The following TUSC3 variants were observed in gnomAD, a reference collection of about 807,000 sequenced individuals.
The protein encoded by TUSC3 is dolichyl-diphosphooligosaccharide--protein glycosyltransferase subunit TUSC3.
Under a neutral mutation model 44.8 loss-of-function variants are expected in TUSC3, and 45 were observed. The ratio of observed to expected loss-of-function variants is 1.00; its 90% CI spans 0.79 to 1.29. The LOEUF is 1.29. Ranked by LOEUF, TUSC3 falls within the 50% of genes most tolerant of loss-of-function variation. The pLI is 0.00. For synonymous variants in TUSC3, 212 were observed against 152.9 expected (o/e 1.39, Z -2.85); for missense variants, 519 against 437.9 (o/e 1.19, Z -1.65).
Position 15,764,434 on chromosome 8 carries a change from G to GTTATATTCA in TUSC3, c.*279_*287dup. Reference sequence around the variant, plus strand: ...AAATATCAAAGTGTTTTTCAAGCCTGTTATATTCAGTGTGTGCCACAGGAT... The same window carrying GTTATATTCA: ...AAATATCAAAGTGTTTTTCAAGCCTGTTATATTCATTATATTCAGTGTGTGCCACAGGAT... On this transcript the variant is annotated 3_prime_UTR_variant, in exon 11 of 11. Transcript: ENST00000503731. The GTTATATTCA allele has an allele frequency of 2.0e-6, 1 of 498,276 alleles. No individual in the cohort carries two copies. The highest frequency in any genetic ancestry group is 2.3e-5 in the South Asian group (1 of 44,282). The allele number at this position is 498,276 out of a possible 1,614,324, so 30.9% of individuals were successfully genotyped here. A position where few individuals can be genotyped will look rare whatever the true frequency, so the allele number is the denominator to read the frequency against.
intron 1 of TUSC3, among the ~76,000 whole-genome samples, chr8:15,429,087 G>T (rs1053784545): frequency 1.3e-5 from 2 of 152,096 alleles, no homozygotes; most frequent in Admixed American, 6.6e-5. Context: ...TTCTTCTAGG[G>T]TTTTTATGGC....
At chr8:15,540,908 G>C (rs771236462) in intron 1 of TUSC3, among the ~76,000 whole-genome samples, 3 of 152,200 alleles carry the variant, frequency 2.0e-5, no homozygotes, top group Non-Finnish European at 4.4e-5. Flanking sequence ...CCCTTTGGAA[G>C]TATTTATAAG....
At chr8:15,536,149 A>G (rs917896172), upstream of TUSC3, among the ~76,000 whole-genome samples, 11 of 152,218 alleles carry the variant, frequency 7.2e-5, no homozygotes, top group Admixed American at 7.2e-4. Context: ...GAACAGCAGT[A>G]CAAAGTGTAG....
chr8:15,819,573 T>C, the TUSC3 span, among the ~76,000 whole-genome samples: 1 of 152,202 alleles, frequency 6.6e-6, no homozygotes, highest in Non-Finnish European at 1.5e-5. Flanking sequence ...CATCAACTCC[T>C]TTGTTTTCAT....
At chr8:15,639,782 G>GTT (rs34230510) in intron 2 of TUSC3, among the ~76,000 whole-genome samples, 5,471 of 140,370 alleles carry the variant, frequency 0.039, 221 homozygotes, top group African/African-American at 0.093. Context: ...CATAAGAGTC[G>GTT]TTTTTTTTTT....
chr8:15,679,162 GT>G (rs980029719), intron 6 of TUSC3, among the ~76,000 whole-genome samples: 4 of 152,050 alleles, frequency 2.6e-5, no homozygotes, highest in African/African-American at 7.2e-5. Context: ...TCTAATTTTA[GT>G]TCCTTGAAAA....
intron 6 of TUSC3, among the ~76,000 whole-genome samples, chr8:15,721,435 T>C (rs1018029834): frequency 5.3e-5 from 8 of 152,054 alleles, no homozygotes; most frequent in Non-Finnish European, 1.2e-4. Context: ...TTGATCAAGT[T>C]GCTTTTTTTC....
At chr8:15,675,728 T>C (rs1463032239) in intron 6 of TUSC3, among the ~76,000 whole-genome samples, 1 of 152,160 alleles carries the variant, frequency 6.6e-6, no homozygotes, top group Admixed American at 6.6e-5. Flanking sequence ...CTTAGGATAA[T>C]GGCCTCCAGC....
the TUSC3 span, among the ~76,000 whole-genome samples, chr8:15,782,930 TTG>T: frequency 1.3e-5 from 2 of 152,072 alleles, no homozygotes; most frequent in African/African-American, 4.8e-5. Context: ...GAAGAGCGAA[TTG>T]TGTCTCTGGT....
rs547023756 is a variant in TUSC3, at chr8:15,501,225, T to G, written n.189+17742T>G. On this transcript the variant is annotated intron_variant and non_coding_transcript_variant, in intron 2 of 5. Transcript: ENST00000503191. ...CCTTTTGAGGATTTGCTAACCAATT[T>G]TCTCTCTCTGGACTTTCCTTCTCTT... is the stretch of plus-strand genomic sequence containing the variant. Among the ~76,000 whole-genome samples the G allele has an allele frequency of 6.0e-4, 92 of 152,292 alleles. 1 individual carries two copies. The highest frequency in any genetic ancestry group is 2.0e-3 in the African/African-American group (85 of 41,580).
chr8:15,451,204 TATA>T (rs774683095), intron 1 of TUSC3, among the ~76,000 whole-genome samples: 5 of 152,182 alleles, frequency 3.3e-5, no homozygotes, highest in Non-Finnish European at 7.4e-5. Flanking sequence ...TGTATCACAG[TATA>T]ATGTTACTTA....
At chr8:15,791,059 A>C in the TUSC3 span, among the ~76,000 whole-genome samples, 1 of 152,174 alleles carries the variant, frequency 6.6e-6, no homozygotes, top group Non-Finnish European at 1.5e-5. Context: ...AACTAAACCC[A>C]GGGTAATGGA....
chr8:15,799,408 G>A, the TUSC3 span, among the ~76,000 whole-genome samples: 1 of 152,154 alleles, frequency 6.6e-6, no homozygotes, highest in Non-Finnish European at 1.5e-5. Context: ...ATGAATCTTA[G>A]TACAAGTTGC....
intron 1 of TUSC3, 37 bp downstream of exon 1, chr8:15,540,605 G>C (rs759942604): frequency 4.0e-6 from 6 of 1,515,132 alleles, no homozygotes; most frequent in East Asian, 2.6e-5. Flanking sequence ...CTGTGGGCGG[G>C]GGCGGGCCAG....
At chr8:15,589,177 C>G (rs1803720192) in intron 1 of TUSC3, among the ~76,000 whole-genome samples, 1 of 152,122 alleles carries the variant, frequency 6.6e-6, no homozygotes, top group Non-Finnish European at 1.5e-5. Flanking sequence ...TTTTTGCATA[C>G]CTTTACTTTG....
chr8:15,703,993 TAACCTCA>T (rs1436084438), intron 6 of TUSC3, among the ~76,000 whole-genome samples: 2 of 152,284 alleles, frequency 1.3e-5, no homozygotes, highest in African/African-American at 4.8e-5. Context: ...ATAAAGCTTA[TAACCTCA>T]AAAAGCTTTT....
At chr8:15,826,479 C>A in the TUSC3 span, among the ~76,000 whole-genome samples, 1 of 152,104 alleles carries the variant, frequency 6.6e-6, no homozygotes, top group Non-Finnish European at 1.5e-5. Context: ...TAATATATTG[C>A]AACTATTTAG....
chr8:15,727,598 T>G (rs1426827970), intron 6 of TUSC3, among the ~76,000 whole-genome samples: 1 of 152,146 alleles, frequency 6.6e-6, no homozygotes, highest in Non-Finnish European at 1.5e-5. Flanking sequence ...AAAAAAGAAG[T>G]ACAAAAGTCA....
intron 1 of TUSC3, among the ~76,000 whole-genome samples, chr8:15,550,652 G>A (rs1253783702): frequency 6.6e-6 from 1 of 151,164 alleles, no homozygotes; most frequent in Non-Finnish European, 1.5e-5. Flanking sequence ...TTTTGTAGCT[G>A]ATCTTTTTTT....
Sources: gnomAD v4.1 joint callset for allele counts (sites outside exome capture counted in the v4.1 genomes callset) on GRCh38, gnomAD v4.1.1 for gene constraint, MANE v1.5 for transcripts, NCBI Gene and HGNC (gene_info 2026-07-23, HGNC 2026-07-21) for gene names.